KLHL18: variants seen among roughly 807,000 people sequenced by gnomAD.
The protein encoded by KLHL18 is kelch-like protein 18.
A neutral mutation model predicts 58.5 loss-of-function variants in KLHL18; 38 were observed. The observed-to-expected ratio is 0.65, with a 90% CI of 0.50 to 0.85. The LOEUF (loss-of-function observed/expected upper bound fraction) is 0.85, where lower values mean the gene tolerates loss of function less well. Ranked by LOEUF, KLHL18 falls within the 40% of genes least tolerant of loss-of-function variation. KLHL18 has a pLI of 0.00. For missense variants in KLHL18, 624 were observed against 778.4 expected (o/e 0.80, Z 2.36); for synonymous variants, 303 against 301.9 (o/e 1.00, Z -0.04).
intron 2 of KLHL18, 100 bp downstream of exon 2, chr3:47,319,883 A>C: frequency 8.0e-7 from 1 of 1,252,784 alleles, no homozygotes; most frequent in Non-Finnish European, 1.2e-6. Flanking sequence ...ACAGTGTCTA[A>C]TAGCCTAGCT....
intron 7 of KLHL18, among the ~76,000 whole-genome samples, chr3:47,340,155 C>A (rs531372101): frequency 6.6e-6 from 1 of 152,310 alleles, no homozygotes; most frequent in South Asian, 2.1e-4. Flanking sequence ...TAAACCCCAG[C>A]TGTTACAGAT....
chr3:47,293,856 G>T (rs532247450), intron 1 of KLHL18, among the ~76,000 whole-genome samples: 1 of 152,292 alleles, frequency 6.6e-6, no homozygotes, highest in African/African-American at 2.4e-5. Context: ...ATCTAGTCGT[G>T]CACAGTTGAA....
At chr3:47,304,452 A>G (rs1395179735) in intron 1 of KLHL18, among the ~76,000 whole-genome samples, 1 of 152,100 alleles carries the variant, frequency 6.6e-6, no homozygotes, top group East Asian at 1.9e-4. Flanking sequence ...ATAGTGAGCT[A>G]CGATTATGCC....
chr3:47,335,792 GC>G (rs1703970946), intron 6 of KLHL18, among the ~76,000 whole-genome samples: 1 of 152,182 alleles, frequency 6.6e-6, no homozygotes, highest in African/African-American at 2.4e-5. Context: ...ACAGGTGTGA[GC>G]CACCGCACCT....
At chr3:47,300,309 ATGTGTG>A (rs1553630150) in intron 1 of KLHL18, among the ~76,000 whole-genome samples, 1 of 144,402 alleles carries the variant, frequency 6.9e-6, no homozygotes, top group Non-Finnish European at 1.5e-5. Context: ...ATATATATAT[ATGTGTG>A]TATATATGTA....
chr3:47,342,839 G>A lies in KLHL18; in HGVS notation c.1338+9G>A. ...TGCAGATCTTCAGCAGTGTGAGTCT[G>A]GGCTCCCCCTGGGATAAGGGTACCT... is the stretch of plus-strand genomic sequence containing the variant. On this transcript the variant is annotated intron_variant, in intron 9 of 9. Transcript: ENST00000232766. 1 of 1,592,674 alleles carries A rather than the reference G, an allele frequency of 6.3e-7. No individual in the cohort carries two copies. The highest frequency in any genetic ancestry group is 8.6e-7 in the Non-Finnish European group (1 of 1,160,444).
In KLHL18 at chr3:47,319,582, G is replaced by A; in HGVS notation, c.130-71G>A. ...GTGGAGCCGGGCGGAGGGGCAGGGT[G>A]GGTTTTTTTGTTTGTTTGTTTTTGT... is the stretch of plus-strand genomic sequence containing the variant. On this transcript the variant is annotated intron_variant, in intron 1 of 9. Coordinates refer to ENST00000232766, the MANE Select transcript of KLHL18 (RefSeq NM_025010.5). 5 of 1,543,784 alleles carry A rather than the reference G, an allele frequency of 3.2e-6. No individual in the cohort carries two copies. In the South Asian group the frequency reaches 5.8e-5, roughly 18 times the overall value.
chr3:47,306,673 C>T (rs986055187), intron 1 of KLHL18, among the ~76,000 whole-genome samples: 1 of 152,180 alleles, frequency 6.6e-6, no homozygotes, highest in Admixed American at 6.5e-5. Context: ...TGAGTATGTG[C>T]GTGTTCAACT....
chr3:47,302,623 T>C (rs1305084815), intron 1 of KLHL18, among the ~76,000 whole-genome samples: 2 of 152,206 alleles, frequency 1.3e-5, no homozygotes, highest in Non-Finnish European at 2.9e-5. Flanking sequence ...GAAGGGTTGG[T>C]CTTGCTGTCC....
At chr3:47,318,481 T>G (rs1236733538) in intron 1 of KLHL18, among the ~76,000 whole-genome samples, 1 of 152,214 alleles carries the variant, frequency 6.6e-6, no homozygotes, top group African/African-American at 2.4e-5. Context: ...TATATTCTGT[T>G]GGTCACATAG....
At chr3:47,309,959 C>A (rs547281848) in intron 1 of KLHL18, among the ~76,000 whole-genome samples, 4 of 121,780 alleles carry the variant, frequency 3.3e-5, no homozygotes. Flanking sequence ...AGCTTCGGCT[C>A]GGCATCAGAG....
chr3:47,286,389 CAA>C (rs1702678116), intron 1 of KLHL18, among the ~76,000 whole-genome samples: 1 of 152,206 alleles, frequency 6.6e-6, no homozygotes, highest in South Asian at 2.1e-4. Flanking sequence ...TCTTTCTTGT[CAA>C]AGTCTTCCTT....
chr3:47,330,218 T>G (rs1318171458), intron 4 of KLHL18, 69 bp downstream of exon 4: 1 of 1,425,856 alleles, frequency 7.0e-7, no homozygotes, highest in Non-Finnish European at 9.8e-7. Context: ...TTGTTTTGTT[T>G]ATGTATTTTT....
chr3:47,284,337 C>CTTTTTTTTTT (rs767276527), intron 1 of KLHL18, among the ~76,000 whole-genome samples: 32 of 127,146 alleles, frequency 2.5e-4, no homozygotes, highest in East Asian at 7.0e-4. Context: ...TTTCTTTTTT[C>CTTTTTTTTTT]TTTTTTTTTT....
chr3:47,316,880 A>C (rs1347010053), intron 1 of KLHL18, among the ~76,000 whole-genome samples: 1 of 151,414 alleles, frequency 6.6e-6, no homozygotes, highest in African/African-American at 2.4e-5. Context: ...AGACTGAGGC[A>C]GGAGGATTGC....
At chr3:47,309,655 G>A (rs1703244681) in intron 1 of KLHL18, among the ~76,000 whole-genome samples, 1 of 152,246 alleles carries the variant, frequency 6.6e-6, no homozygotes, top group Non-Finnish European at 1.5e-5. Flanking sequence ...AGGCGGCTGG[G>A]AGGTGGAGGT....
intron 1 of KLHL18, among the ~76,000 whole-genome samples, chr3:47,294,482 T>C (rs955581584): frequency 2.0e-5 from 3 of 151,804 alleles, no homozygotes; most frequent in Non-Finnish European, 4.4e-5. Context: ...CTAAATGAAG[T>C]GAGGGAGCAA....
chr3:47,304,896 C>T (rs1029652313), intron 1 of KLHL18, among the ~76,000 whole-genome samples: 2 of 151,864 alleles, frequency 1.3e-5, no homozygotes, highest in African/African-American at 2.4e-5. Context: ...TGGTGGTGCC[C>T]ACCTGTAGTC....
At chr3:47,329,918 C>G (rs1014271302) in intron 3 of KLHL18, 33 bp from the exon 4 acceptor site, 5 of 1,585,148 alleles carry the variant, frequency 3.2e-6, no homozygotes, top group Non-Finnish European at 4.3e-6. Context: ...TCCTTTCTTC[C>G]TCTAATTTTT....
Sources: allele counts gnomAD v4.1 joint callset (sites outside exome capture counted in the v4.1 genomes callset), GRCh38; gene constraint gnomAD v4.1.1; transcripts MANE v1.5; gene names NCBI Gene and HGNC (gene_info 2026-07-23, HGNC 2026-07-21).